TPST1: variants seen among roughly 807,000 people sequenced by gnomAD.
The protein encoded by TPST1 is tyrosylprotein sulfotransferase 1.
Under a neutral mutation model 34.8 loss-of-function variants are expected in TPST1, and 20 were observed. The ratio of observed to expected loss-of-function variants is 0.57; its 90% CI spans 0.40 to 0.84. The LOEUF (loss-of-function observed/expected upper bound fraction) is 0.84, where lower values mean the gene tolerates loss of function less well. TPST1 is among the 40% of genes least tolerant of loss of function. The pLI, the probability that TPST1 is intolerant of heterozygous loss-of-function variation, is 0.00. For missense variants in TPST1, 353 were observed against 455.5 expected, an observed-to-expected ratio of 0.78 and a Z score of 2.05; for synonymous variants, 152 against 159.4, an observed-to-expected ratio of 0.95 and a Z score of 0.35.
At chr7:66,298,605 TCATCTG>T (rs1339819049) in intron 3 of TPST1, among the ~76,000 whole-genome samples, 1 of 152,240 alleles carries the variant, frequency 6.6e-6, no homozygotes, top group Non-Finnish European at 1.5e-5. Flanking sequence ...ATGTAATTAT[TCATCTG>T]ATTGGATTTA....
chr7:66,319,802 T>TG (rs1791713771), intron 3 of TPST1, among the ~76,000 whole-genome samples: 1 of 152,244 alleles, frequency 6.6e-6, no homozygotes, highest in Admixed American at 6.5e-5. Flanking sequence ...GTTTCGTAAT[T>TG]GGATGAAGAG....
chr7:66,241,334 T>C, intron 2 of TPST1, 64 bp downstream of exon 2: 4 of 1,520,932 alleles, frequency 2.6e-6, no homozygotes, highest in Non-Finnish European at 3.5e-6. Flanking sequence ...TATACATATG[T>C]ATGTATGTGT....
intron 2 of TPST1, among the ~76,000 whole-genome samples, chr7:66,275,654 T>C (rs577200965): frequency 2.0e-4 from 30 of 152,334 alleles, no homozygotes; most frequent in African/African-American, 7.0e-4. Flanking sequence ...CTTATTTCTA[T>C]GTAGAACCTA....
intron 1 of TPST1, among the ~76,000 whole-genome samples, chr7:66,239,151 C>T (rs1789972944): frequency 6.6e-6 from 1 of 152,196 alleles, no homozygotes; most frequent in Non-Finnish European, 1.5e-5. Flanking sequence ...ATATCCCTCC[C>T]TCTGTCTTTT....
intron 5 of TPST1, chr7:66,359,300 C>A (rs12537698): frequency 0.033 from 4,986 of 148,986 alleles, 147 homozygotes; most frequent in East Asian, 0.075. Flanking sequence ...GGTGCTGCCC[C>A]CTGGACACTT....
chr7:66,200,843 C>T (rs1157040165), upstream of TPST1, among the ~76,000 whole-genome samples: 1 of 152,194 alleles, frequency 6.6e-6, no homozygotes, highest in Non-Finnish European at 1.5e-5. Flanking sequence ...TCTCCTGCCT[C>T]AGCCTCCCGA....
intron 2 of TPST1, among the ~76,000 whole-genome samples, chr7:66,245,991 G>T (rs1333291010): frequency 6.6e-6 from 1 of 151,680 alleles, no homozygotes; most frequent in Non-Finnish European, 1.5e-5. Flanking sequence ...GGATGCTATT[G>T]GGCTATTGGG....
At chr7:66,280,914 C>G (rs1404317404) in intron 2 of TPST1, among the ~76,000 whole-genome samples, 1 of 152,184 alleles carries the variant, frequency 6.6e-6, no homozygotes, top group African/African-American at 2.4e-5. Context: ...ATTTCCACAT[C>G]TGTGGGCCCT....
chr7:66,283,762 C>T (rs757807655), intron 2 of TPST1, among the ~76,000 whole-genome samples: 8 of 152,252 alleles, frequency 5.3e-5, no homozygotes, highest in Non-Finnish European at 7.4e-5. Context: ...TCATGTGTTA[C>T]CCCATGAAAA....
At chr7:66,320,644 G>A (rs1317995875) in intron 3 of TPST1, among the ~76,000 whole-genome samples, 2 of 151,732 alleles carry the variant, frequency 1.3e-5, no homozygotes, top group East Asian at 3.9e-4. Flanking sequence ...TGTTGCCCAG[G>A]CTGGAGTGCA....
chr7:66,238,154 G>A (rs376653325), intron 1 of TPST1, among the ~76,000 whole-genome samples: 24 of 152,280 alleles, frequency 1.6e-4, no homozygotes, highest in African/African-American at 5.5e-4. Context: ...AGTGGGTCTA[G>A]GTTCTGGGGT....
chr7:66,264,584 A>G (rs1790553771), intron 2 of TPST1, among the ~76,000 whole-genome samples: 1 of 152,246 alleles, frequency 6.6e-6, no homozygotes, highest in African/African-American at 2.4e-5. Context: ...TAGAGACTCC[A>G]GTGACTGCAC....
At chr7:66,261,232 C>CTTTTTTTT (rs36114007) in intron 2 of TPST1, among the ~76,000 whole-genome samples, 2 of 126,688 alleles carry the variant, frequency 1.6e-5, no homozygotes, top group Non-Finnish European at 1.6e-5. Context: ...CGTATATTGT[C>CTTTTTTTT]TTTTTTTTTT....
chr7:66,308,564 C>T (rs1038791040), intron 3 of TPST1, among the ~76,000 whole-genome samples: 2 of 152,178 alleles, frequency 1.3e-5, no homozygotes, highest in African/African-American at 4.8e-5. Context: ...CCTACTCTAC[C>T]TCTGCGTGTG....
chr7:66,270,058 CT>C (rs1225562645), intron 2 of TPST1, among the ~76,000 whole-genome samples: 2 of 152,084 alleles, frequency 1.3e-5, no homozygotes, highest in African/African-American at 4.8e-5. Context: ...AGTTAGTAGT[CT>C]CATTGAGAAG....
rs551380134 is a variant in TPST1, at chr7:66,222,055, A to G, written c.-102+16533A>G. ...CTTTATAGGTATTTTAAGGGGATTTAAGAAAGATATCACTAGTTACCTATT... is the reference window on the plus strand; with the variant it reads ...CTTTATAGGTATTTTAAGGGGATTTGAGAAAGATATCACTAGTTACCTATT... On this transcript the variant is annotated intron_variant, in intron 1 of 5. Coordinates refer to ENST00000304842, the MANE Select transcript of TPST1 (RefSeq NM_003596.4). Among the ~76,000 whole-genome samples the G allele has an allele frequency of 5.9e-5, 9 of 152,268 alleles. No individual in the cohort carries two copies. In the South Asian group the frequency reaches 1.9e-3, roughly 32 times the overall value.
intron 2 of TPST1, among the ~76,000 whole-genome samples, chr7:66,260,393 T>A (rs562827563): frequency 4.3e-4 from 66 of 152,352 alleles, no homozygotes; most frequent in African/African-American, 1.1e-3. Flanking sequence ...TCACAAAATT[T>A]CGTATTTTGG....
intron 2 of TPST1, among the ~76,000 whole-genome samples, chr7:66,255,720 T>A (rs182924634): frequency 1.0e-3 from 153 of 152,360 alleles, no homozygotes; most frequent in African/African-American, 3.5e-3. Flanking sequence ...TTCATTCTGT[T>A]GACATTTGTG....
chr7:66,272,159 C>G (rs954900215), intron 2 of TPST1, among the ~76,000 whole-genome samples: 3 of 151,954 alleles, frequency 2.0e-5, no homozygotes, highest in Non-Finnish European at 4.4e-5. Context: ...TATTGATATT[C>G]TACAAGAAAA....
Sources: allele counts gnomAD v4.1 joint callset (sites outside exome capture counted in the v4.1 genomes callset), GRCh38; gene constraint gnomAD v4.1.1; transcripts MANE v1.5; gene names NCBI Gene and HGNC (gene_info 2026-07-23, HGNC 2026-07-21).